Variants in DCAF8L2 observed in about 807,000 individuals in gnomAD.
DCAF8L2 encodes the protein DDB1 and CUL4 associated factor 8 like 2, also known as DDB1- and CUL4-associated factor 8-like protein 2.
For synonymous variants in DCAF8L2, 200 were observed against 190.9 expected (o/e 1.05, Z -0.39); for missense variants, 430 against 490.7 (o/e 0.88, Z 1.17).
chrX:27,476,440 A>T, the DCAF8L2 span, among the ~76,000 whole-genome samples: 1 of 111,664 alleles, frequency 9.0e-6, no homozygotes, highest in African/African-American at 3.3e-5. Flanking sequence ...GACACACAAA[A>T]CAAAGCAATT....
chrX:27,745,476 T>C (rs1175858796), intron 4 of DCAF8L2, among the ~76,000 whole-genome samples: 5 of 112,415 alleles, frequency 4.4e-5, no homozygotes, highest in African/African-American at 6.5e-5. Flanking sequence ...CTCACTTCCA[T>C]ACATTATTCC....
At chrX:27,517,458 G>A in the DCAF8L2 span, among the ~76,000 whole-genome samples, 4 of 107,869 alleles carry the variant, frequency 3.7e-5, no homozygotes, top group African/African-American at 1.4e-4. Flanking sequence ...CCACACATAC[G>A]CATTTGTCAG....
chrX:27,628,672 C>T (rs1421787800), intron 1 of DCAF8L2, among the ~76,000 whole-genome samples: 1 of 106,808 alleles, frequency 9.4e-6, no homozygotes. Context: ...GGCGCGATCT[C>T]GGCTCACTGC....
chrX:27,722,787 G>T (rs1394423545), intron 4 of DCAF8L2, among the ~76,000 whole-genome samples: 1 of 110,887 alleles, frequency 9.0e-6, no homozygotes, highest in East Asian at 2.8e-4. Flanking sequence ...AGGTGCATTA[G>T]CTAATGAGAT....
the DCAF8L2 span, among the ~76,000 whole-genome samples, chrX:27,530,353 C>G: frequency 6.3e-4 from 70 of 110,588 alleles, no homozygotes; most frequent in African/African-American, 1.9e-3. Context: ...TACTCCCCCC[C>G]CAAACCCCGC....
At chrX:27,704,179 T>TATATATATATATATACACAC (rs756313953) in intron 3 of DCAF8L2, among the ~76,000 whole-genome samples, 1 of 85,543 alleles carries the variant, frequency 1.2e-5, no homozygotes, top group African/African-American at 4.8e-5. Context: ...TATATACATA[T>TATATATATATATATACACAC]ACACACACAC....
At chrX:27,683,544 C>A (rs1429756550) in intron 3 of DCAF8L2, among the ~76,000 whole-genome samples, 1 of 112,406 alleles carries the variant, frequency 8.9e-6, no homozygotes, top group East Asian at 2.8e-4. Flanking sequence ...CATGCTCCTG[C>A]AAGATCCTTT....
At chrX:27,532,277 C>T in the DCAF8L2 span, among the ~76,000 whole-genome samples, 7 of 110,704 alleles carry the variant, frequency 6.3e-5, no homozygotes, top group African/African-American at 2.0e-4. Flanking sequence ...TAAGATGAGC[C>T]TGGAACATCC....
chrX:27,533,234 GAGAA>G, the DCAF8L2 span, among the ~76,000 whole-genome samples: 24 of 33,738 alleles, frequency 7.1e-4, no homozygotes, highest in Non-Finnish European at 1.2e-3. Flanking sequence ...AAGAAAGAAA[GAGAA>G]AGAAAGAAAG....
At chrX:27,548,026 A>C in the DCAF8L2 span, among the ~76,000 whole-genome samples, 79 of 109,587 alleles carry the variant, frequency 7.2e-4, 1 homozygote, top group East Asian at 0.022. Context: ...TGATTAAATT[A>C]AACCACTTTT....
the DCAF8L2 span, among the ~76,000 whole-genome samples, chrX:27,548,753 A>T: frequency 8.9e-6 from 1 of 112,022 alleles, no homozygotes; most frequent in Non-Finnish European, 1.9e-5. Context: ...AAGAGATAAC[A>T]ATCACAATAA....
intron 1 of DCAF8L2, among the ~76,000 whole-genome samples, chrX:27,627,803 A>G (rs1928103425): frequency 4.6e-5 from 5 of 109,323 alleles, no homozygotes; most frequent in Admixed American, 3.0e-4. Context: ...CTGAGGCAGG[A>G]GAATCACCTG....
chrX:27,564,744 T>A, the DCAF8L2 span, among the ~76,000 whole-genome samples: 4 of 101,973 alleles, frequency 3.9e-5, no homozygotes, highest in Non-Finnish European at 8.1e-5. Flanking sequence ...GAAAAAAAAA[T>A]TCCTCTGTAA....
At chrX:27,746,682 A>C in intron 4 of DCAF8L2, 156 bp from the exon 5 acceptor site, 1 of 380,955 alleles carries the variant, frequency 2.6e-6, no homozygotes, top group South Asian at 6.7e-5. Context: ...CGAGCAGGTA[A>C]GAAGCTTTTT....
At chrX:27,705,445 G>T (rs939473811) in intron 3 of DCAF8L2, among the ~76,000 whole-genome samples, 1 of 111,404 alleles carries the variant, frequency 9.0e-6, no homozygotes, top group Non-Finnish European at 1.9e-5. Context: ...GCACATCCCT[G>T]TAAACACTTA....
At chrX:27,512,806 A>AAAAAC in the DCAF8L2 span, among the ~76,000 whole-genome samples, 2 of 97,944 alleles carry the variant, frequency 2.0e-5, no homozygotes, top group East Asian at 6.0e-4. Context: ...AAAAAAAAAA[A>AAAAAC]AAAACAAAGC....
chrX:27,632,891 A>G (rs1448939644), intron 2 of DCAF8L2: 1 of 111,603 alleles, frequency 9.0e-6, no homozygotes, highest in Non-Finnish European at 1.9e-5. Context: ...TAGAATGTCA[A>G]CTCCAGGAAG....
chrX:27,478,175 A>G, the DCAF8L2 span, among the ~76,000 whole-genome samples: 2 of 112,428 alleles, frequency 1.8e-5, no homozygotes, highest in African/African-American at 6.5e-5. Context: ...CAGAAATTGC[A>G]TCCTAAAATA....
At chrX:27,743,853 C>T (rs1922017905) in intron 4 of DCAF8L2, among the ~76,000 whole-genome samples, 1 of 108,847 alleles carries the variant, frequency 9.2e-6, no homozygotes, top group Non-Finnish European at 1.9e-5. Flanking sequence ...CCACCTCAGC[C>T]TCCCAAGTAG....
Sources: allele counts gnomAD v4.1 joint callset (sites outside exome capture counted in the v4.1 genomes callset), GRCh38; gene constraint gnomAD v4.1.1; transcripts MANE v1.5; gene names NCBI Gene and HGNC (gene_info 2026-07-23, HGNC 2026-07-21).